PITPNM2: variants seen among roughly 807,000 people sequenced by gnomAD.
The protein encoded by PITPNM2 is phosphatidylinositol transfer protein membrane associated 2.
Under a neutral mutation model 132.2 loss-of-function variants are expected in PITPNM2, and 35 were observed. That is an observed-to-expected ratio of 0.26 (90% confidence interval 0.20 to 0.35). The LOEUF is 0.35. PITPNM2 is among the 10% of genes least tolerant of loss of function. PITPNM2 has a pLI of 1.00. For synonymous variants in PITPNM2, 738 were observed against 799.2 expected (o/e 0.92, Z 1.29); for missense variants, 1,332 against 1,912.0 (o/e 0.70, Z 5.66).
chr12:123,077,582 C>T lies in PITPNM2; in HGVS notation c.-96+32803G>A, dbSNP rs994140300. ...ACCAGGAGGCAGGAGTCGAGCTACT[C>T]ACAGACTCCCTAGAGGAGAACTCCA... is the stretch of plus-strand genomic sequence containing the variant. On this transcript the variant is annotated intron_variant, in intron 2 of 25. Coordinates refer to ENST00000320201, the MANE Select transcript of PITPNM2 (RefSeq NM_020845.3). The surrounding 1 kb of genome is among the most constrained non-coding windows in gnomAD (Gnocchi z 4.8). Among the ~76,000 whole-genome samples, 3 of 152,140 alleles carry T rather than the reference C, an allele frequency of 2.0e-5. No individual in the cohort carries two copies. The highest frequency in any genetic ancestry group is 1.3e-4 in the Admixed American group (2 of 15,280).
At chr12:123,049,321 A>C (rs2040782977) in intron 2 of PITPNM2, among the ~76,000 whole-genome samples, 1 of 151,778 alleles carries the variant, frequency 6.6e-6, no homozygotes. Context: ...TCTCCTCCCG[A>C]TCCTGTCTGT....
intron 16 of PITPNM2, chr12:122,991,811 C>G: frequency 7.7e-7 from 1 of 1,302,308 alleles, no homozygotes; most frequent in Non-Finnish European, 9.8e-7. Context: ...AACAGGCATA[C>G]TGGTTTCCAG....
At chr12:123,135,729 G>A (rs566975721) in intron 1 of PITPNM2, among the ~76,000 whole-genome samples, 41 of 152,176 alleles carry the variant, frequency 2.7e-4, no homozygotes, top group African/African-American at 8.7e-4. Context: ...ACGGCGTCTC[G>A]CTACGCTGCC....
intron 3 of PITPNM2, among the ~76,000 whole-genome samples, chr12:123,018,293 CTTTTTTT>C (rs3085478): frequency 0.54 from 67,710 of 126,122 alleles, 20,130 homozygotes; most frequent in Non-Finnish European, 0.68. Flanking sequence ...TTTTTCTTTT[CTTTTTTT>C]TTTTTTTTTT....
rs1555299890 is a variant in PITPNM2 at position 123,133,821 on chromosome 12, C to CACACACAT, written c.-200+16931_-200+16932insATGTGTGT. ...ACACACACACACACACACAGACACA[C>CACACACAT]ACACGCTCCTCCCTCACTGTACACG... On this transcript the variant is annotated intron_variant, in intron 1 of 25. Transcript: ENST00000320201. 6.0e-4 allele frequency among the ~76,000 whole-genome samples: 90 copies of CACACACAT among 150,812 alleles called. 1 individual carries two copies. The highest frequency in any genetic ancestry group is 1.8e-3 in the African/African-American group (73 of 41,324).
At chr12:122,991,662 G>A in intron 16 of PITPNM2, 1 of 1,228,658 alleles carries the variant, frequency 8.1e-7, no homozygotes, top group South Asian at 3.8e-5. Flanking sequence ...CACGAACTGT[G>A]AGTGGCCAAG....
At chr12:123,069,418 A>AGGG (rs2041553109) in intron 2 of PITPNM2, among the ~76,000 whole-genome samples, 2 of 152,154 alleles carry the variant, frequency 1.3e-5, no homozygotes, top group Non-Finnish European at 2.9e-5. Flanking sequence ...TCTCCCCTGC[A>AGGG]GACAGATGGA....
chr12:123,098,784 G>C (rs1274009317), intron 2 of PITPNM2, among the ~76,000 whole-genome samples: 2 of 152,046 alleles, frequency 1.3e-5, no homozygotes, highest in African/African-American at 4.8e-5. Context: ...GTCCACTCCT[G>C]AGAGCTGAGC....
At chr12:123,011,754 C>T (rs1323669223) in intron 5 of PITPNM2, among the ~76,000 whole-genome samples, 1 of 152,106 alleles carries the variant, frequency 6.6e-6, no homozygotes, top group Non-Finnish European at 1.5e-5. Flanking sequence ...CAAGGACTGC[C>T]GGCAAGCAGA....
At chr12:122,997,201 G>A (rs1439785995) in intron 11 of PITPNM2, 124 bp downstream of exon 11, 2 of 1,429,006 alleles carry the variant, frequency 1.4e-6, no homozygotes, top group African/African-American at 1.4e-5. Flanking sequence ...CAGGTAGAAG[G>A]GGCTGGCCGG....
At chr12:123,138,713 T>C (rs138171628) in intron 1 of PITPNM2, among the ~76,000 whole-genome samples, 90 of 152,296 alleles carry the variant, frequency 5.9e-4, no homozygotes, top group African/African-American at 2.0e-3. Context: ...CCAATGGGTG[T>C]AGGGTCTCCT....
chr12:123,080,323 AT>A (rs1318908805), intron 2 of PITPNM2, among the ~76,000 whole-genome samples: 1 of 152,022 alleles, frequency 6.6e-6, no homozygotes, highest in Non-Finnish European at 1.5e-5. Flanking sequence ...GATTCAAGTG[AT>A]TCTCCCACCT....
intron 1 of PITPNM2, among the ~76,000 whole-genome samples, chr12:123,121,536 T>A (rs1315476473): frequency 6.6e-6 from 1 of 152,156 alleles, no homozygotes; most frequent in Non-Finnish European, 1.5e-5. Context: ...AATAACTTTT[T>A]TATTTTTATT....
At position 123,077,146 on chromosome 12, in the gene PITPNM2, C is replaced by T. The variant is rs1346481278; in HGVS notation, c.-96+33239G>A. The stretch of plus-strand genomic sequence containing the variant: ...GAAATCCTGCCTGACCAAACTGTGC[C>T]GAGGGGCTGTCCCAAACAGATGGTG... On this transcript the variant is annotated intron_variant, in intron 2 of 25. Transcript: ENST00000320201. This position sits in a 1 kb window ranked among gnomAD's most constrained non-coding sequence, Gnocchi z 4.8. 2.0e-5 allele frequency among the ~76,000 whole-genome samples: 3 copies of T among 152,160 alleles called. No homozygotes were observed. The highest frequency in any genetic ancestry group is 2.1e-4 in the South Asian group (1 of 4,826).
At chr12:123,027,123 C>A (rs918130283) in intron 3 of PITPNM2, among the ~76,000 whole-genome samples, 2 of 152,062 alleles carry the variant, frequency 1.3e-5, no homozygotes, top group Non-Finnish European at 1.5e-5. Flanking sequence ...TGGCCCCCCA[C>A]CTGTCCCTCA....
intron 2 of PITPNM2, among the ~76,000 whole-genome samples, chr12:123,061,420 C>T (rs189044961): frequency 1.3e-5 from 2 of 152,382 alleles, no homozygotes; most frequent in African/African-American, 2.4e-5. Flanking sequence ...GGTCTGCTGA[C>T]GTGCCTACAA....
Position 122,990,598 on chromosome 12 carries a change from G to A in PITPNM2, c.2516C>T (p.Ala839Val), listed in dbSNP as rs769152202. The A allele has an allele frequency of 2.0e-5, 33 of 1,612,682 alleles. No homozygotes were observed. Among genetic ancestry groups the A allele is most frequent in the Non-Finnish European group, 2.8e-5 (33 of 1,179,992 alleles). Reference sequence around the variant, plus strand: ...CTCAGCCATGCCTGACACCTGGCTGGCGATGCTGATCTCACTGGCTCGGCG... The same window carrying A: ...CTCAGCCATGCCTGACACCTGGCTGACGATGCTGATCTCACTGGCTCGGCG... The part of the protein sequence containing the change: ...GFRRASEISI[A>V]SQVSGMAESY... Residue 839 changes from alanine (A) to valine (V), a missense_variant, in exon 17 of 26, where the codon GCC (alanine) becomes GTC (valine). Ala to Val is a moderately conservative substitution (Grantham distance 64). This residue lies in a region of PITPNM2 where 710 missense variants were observed against 911.5 expected (regional missense o/e 0.78). Transcript: ENST00000320201.
At position 123,097,618 on chromosome 12, in the gene PITPNM2, G is replaced by C. The variant is rs1397871561; in HGVS notation, c.-96+12767C>G. On this transcript the variant is annotated intron_variant, in intron 2 of 25. Transcript: ENST00000320201. This position sits in a 1 kb window ranked among gnomAD's most constrained non-coding sequence, Gnocchi z 4.7. ...TTATTTATAGCCAAGCAGCCTGTCCGCACGCTCTCCAGTGCAGCCTGCCTC... is the reference window on the plus strand; with the variant it reads ...TTATTTATAGCCAAGCAGCCTGTCCCCACGCTCTCCAGTGCAGCCTGCCTC... Among the ~76,000 whole-genome samples the C allele has an allele frequency of 2.0e-5, 3 of 152,172 alleles. No homozygotes were observed. The highest frequency in any genetic ancestry group is 2.9e-5 in the Non-Finnish European group (2 of 68,032).
chr12:123,128,730 C>T, intron 1 of PITPNM2, among the ~76,000 whole-genome samples: 1 of 144,704 alleles, frequency 6.9e-6, no homozygotes, highest in South Asian at 2.2e-4. Context: ...CCAGCCTGGG[C>T]AATACAGTGA....
Sources: gnomAD v4.1 joint callset for allele counts (sites outside exome capture counted in the v4.1 genomes callset) on GRCh38, gnomAD v4.1.1 for gene constraint, gnomAD v4.1.1 regional missense constraint, Gnocchi (gnomAD v3.1) non-coding constraint, MANE v1.5 for transcripts, NCBI Gene and HGNC (gene_info 2026-07-23, HGNC 2026-07-21) for gene names.